The following ZNF503 variants were observed in gnomAD, a reference collection of about 807,000 sequenced individuals.
ZNF503 encodes zinc finger protein 503.
In ZNF503, 15 loss-of-function variants were observed where a neutral mutation model predicts 34.4. The ratio of observed to expected loss-of-function variants is 0.44; its 90% CI spans 0.29 to 0.67. The LOEUF (loss-of-function observed/expected upper bound fraction) is 0.67, where lower values mean the gene tolerates loss of function less well. Among genes scored for constraint, ZNF503 ranks in the 30% least tolerant of loss-of-function variants. The pLI is 0.13. For missense variants in ZNF503, 1,007 were observed against 926.8 expected (o/e 1.09, Z -1.12); for synonymous variants, 580 against 456.8 (o/e 1.27, Z -3.44).
At chr10:75,333,616 C>T in the ZNF503 span, among the ~76,000 whole-genome samples, 13 of 76,118 alleles carry the variant, frequency 1.7e-4, no homozygotes, top group East Asian at 2.6e-3. Context: ...CCGGACGGCA[C>T]GGCTGGCCAG....
At position 75,399,756 on chromosome 10, in the gene ZNF503, C is replaced by A. The variant is rs1200383227; in HGVS notation, c.934G>T (p.Gly312Cys). The change falls in exon 2 of 2, where the codon GGC (glycine) becomes TGC (cysteine). Residue 312 changes from glycine (G) to cysteine (C), a missense_variant. Physicochemically the swap from Gly to Cys is radical, Grantham distance 159. Transcript: ENST00000372524. ...PGGKALGSDC[G>C]GSSGSSSGSG... ...CCGGAGCTGGAGCCCGATGAACCGC[C>A]GCAGTCCGAGCCCAGAGCCTTGCCT... The A allele has an allele frequency of 1.3e-6, 2 of 1,592,858 alleles. No homozygotes were observed. The highest frequency in any genetic ancestry group is 1.3e-5 in the African/African-American group (1 of 74,716).
At chr10:75,390,894 T>A in the ZNF503 span, among the ~76,000 whole-genome samples, 1 of 152,168 alleles carries the variant, frequency 6.6e-6, no homozygotes, top group African/African-American at 2.4e-5. Flanking sequence ...GCTGGCTGAT[T>A]CTGTTTCTGG....
chr10:75,391,289 A>G, the ZNF503 span, among the ~76,000 whole-genome samples: 1 of 152,208 alleles, frequency 6.6e-6, no homozygotes, highest in African/African-American at 2.4e-5. Context: ...GTATCCAGGA[A>G]GACCTATTCA....
the ZNF503 span, among the ~76,000 whole-genome samples, chr10:75,389,088 T>G: frequency 6.6e-6 from 1 of 152,082 alleles, no homozygotes; most frequent in Admixed American, 6.5e-5. Context: ...CCCTAGGAAT[T>G]GCCTAATTGC....
the ZNF503 span, among the ~76,000 whole-genome samples, chr10:75,386,376 G>T: frequency 1.3e-5 from 2 of 152,196 alleles, no homozygotes; most frequent in Admixed American, 1.3e-4. Context: ...ACCTGAGAGA[G>T]AAATGTCTTT....
At chr10:75,381,364 A>G in the ZNF503 span, among the ~76,000 whole-genome samples, 2 of 152,196 alleles carry the variant, frequency 1.3e-5, no homozygotes, top group African/African-American at 2.4e-5. Flanking sequence ...CTGGGACTAC[A>G]GGCACACGCC....
rs376031202 is a variant in ZNF503 at position 75,398,873 on chromosome 10, G to T, written c.1817C>A (p.Ser606Tyr). 1 of 1,528,272 alleles carries T rather than the reference G, an allele frequency of 6.5e-7. No individual in the cohort carries two copies. Among genetic ancestry groups the T allele is most frequent in the Non-Finnish European group, 8.8e-7 (1 of 1,141,670 alleles). 94.7% of individuals were successfully genotyped at this position (1,528,272 alleles called of 1,614,324 possible). A position where few individuals can be genotyped will look rare whatever the true frequency, so the allele number is the denominator to read the frequency against. The change falls in exon 2 of 2, where the codon TCC (serine) becomes TAC (tyrosine). Residue 606 changes from serine (S) to tyrosine (Y), a missense_variant. Ser to Tyr is a moderately radical substitution (Grantham distance 144). Transcript: ENST00000372524. ...LGLSSRYHPYSKSPLPTPGAP... is the reference protein window; with the variant it reads ...LGLSSRYHPYYKSPLPTPGAP... ...GCCAGGCGTGGGAAGCGGGCTCTTG[G>T]AGTAGGGGTGGTAGCGGCTGCTGAG...
chr10:75,329,494 T>A, the ZNF503 span, among the ~76,000 whole-genome samples: 3 of 151,500 alleles, frequency 2.0e-5, no homozygotes, highest in Non-Finnish European at 4.4e-5. Context: ...AGACAGAGTT[T>A]AGCTCTGTTG....
chr10:75,295,219 C>A, the ZNF503 span, among the ~76,000 whole-genome samples: 1 of 150,924 alleles, frequency 6.6e-6, no homozygotes, highest in East Asian at 2.0e-4. The surrounding 1 kb of genome is among the most constrained non-coding windows in gnomAD (Gnocchi z 4.0). Context: ...CCTGGGCGAC[C>A]CCCGGGAGGG....
chr10:75,322,128 T>TTA, the ZNF503 span, among the ~76,000 whole-genome samples: 1 of 9,470 alleles, frequency 1.1e-4, no homozygotes, highest in South Asian at 4.3e-3. Flanking sequence ...CCACCACCAA[T>TTA]TTTTTTTTTT....
the ZNF503 span, among the ~76,000 whole-genome samples, chr10:75,282,768 C>T: frequency 1.3e-5 from 2 of 152,136 alleles, no homozygotes; most frequent in African/African-American, 2.4e-5. Flanking sequence ...GTAAATTAGT[C>T]GTGTTGGGTC....
At chr10:75,300,664 T>TGA in the ZNF503 span, among the ~76,000 whole-genome samples, 1 of 151,902 alleles carries the variant, frequency 6.6e-6, no homozygotes, top group Non-Finnish European at 1.5e-5. Context: ...TCGGGGTCCC[T>TGA]GACTTCCCGC....
the ZNF503 span, among the ~76,000 whole-genome samples, chr10:75,348,227 TA>T: frequency 7.0e-6 from 1 of 143,240 alleles, no homozygotes; most frequent in African/African-American, 2.6e-5. Context: ...CACGCCTGGC[TA>T]ATTTTTATAT....
chr10:75,294,485 T>A, the ZNF503 span, among the ~76,000 whole-genome samples: 1 of 152,198 alleles, frequency 6.6e-6, no homozygotes, highest in Admixed American at 6.5e-5. Flanking sequence ...TATTATTATT[T>A]TTTTGCATGG....
chr10:75,339,203 C>G, the ZNF503 span, among the ~76,000 whole-genome samples: 2 of 152,130 alleles, frequency 1.3e-5, no homozygotes, highest in Non-Finnish European at 2.9e-5. Flanking sequence ...TGCACTCCAG[C>G]CTGGGTGACA....
the ZNF503 span, among the ~76,000 whole-genome samples, chr10:75,327,464 T>C: frequency 1.3e-5 from 2 of 152,266 alleles, no homozygotes; most frequent in Non-Finnish European, 2.9e-5. Context: ...TATTCCATTA[T>C]GTAGATGTAA....
the ZNF503 span, among the ~76,000 whole-genome samples, chr10:75,364,128 T>C: frequency 3.9e-4 from 59 of 152,240 alleles, no homozygotes; most frequent in African/African-American, 1.4e-3. Context: ...TATTGACTTT[T>C]TAAAAAATTC....
the ZNF503 span, among the ~76,000 whole-genome samples, chr10:75,350,798 C>G: frequency 6.6e-6 from 1 of 152,146 alleles, no homozygotes; most frequent in Non-Finnish European, 1.5e-5. Context: ...AAGTAATCCT[C>G]CCGCCTCAGC....
chr10:75,297,839 AC>A, the ZNF503 span, among the ~76,000 whole-genome samples: 1 of 152,134 alleles, frequency 6.6e-6, no homozygotes, highest in Non-Finnish European at 1.5e-5. Flanking sequence ...TTACCCCAGT[AC>A]CTCCTATCCT....
Sources: gnomAD v4.1 joint callset for allele counts (sites outside exome capture counted in the v4.1 genomes callset) on GRCh38, gnomAD v4.1.1 for gene constraint, Gnocchi (gnomAD v3.1) non-coding constraint, MANE v1.5 for transcripts, NCBI Gene and HGNC (gene_info 2026-07-23, HGNC 2026-07-21) for gene names.